COMMD10: variants seen among roughly 807,000 people sequenced by gnomAD.
COMMD10 encodes the protein COMM domain-containing protein 10.
COMMD10 carries 33 observed loss-of-function variants against 28.9 expected under a neutral mutation model. That is an observed-to-expected ratio of 1.14 (90% CI 0.87 to 1.53). The LOEUF (loss-of-function observed/expected upper bound fraction) is 1.53, where lower values mean the gene tolerates loss of function less well. COMMD10 is among the 40% of genes most tolerant of loss of function. The probability of loss-of-function intolerance (pLI) is 0.00; values close to 1 mark genes in which losing one functional copy is unlikely to be tolerated. For synonymous variants in COMMD10, 110 were observed against 81.7 expected (o/e 1.35, Z -1.87); for missense variants, 310 against 233.4 (o/e 1.33, Z -2.14).
intron 5 of COMMD10, among the ~76,000 whole-genome samples, chr5:116,282,371 G>C (rs1344100657): frequency 6.6e-6 from 1 of 151,848 alleles, no homozygotes; most frequent in African/African-American, 2.4e-5. Context: ...CTCCAAACTG[G>C]TTTCTCCATA....
rs1752707816 is a variant in COMMD10, at chr5:116,156,281, G to C, written c.510+22103G>C. Among the ~76,000 whole-genome samples the C allele has an allele frequency of 2.6e-5, 4 of 152,266 alleles. No individual in the cohort carries two copies. In the South Asian group the frequency reaches 6.2e-4, roughly 24 times the overall value. ...TGTTATCACACTGTCTTGACACTTAGGAAGTTGCTAGAGGATGTCAAGCAG... is the reference window on the plus strand; with the variant it reads ...TGTTATCACACTGTCTTGACACTTACGAAGTTGCTAGAGGATGTCAAGCAG... On this transcript the variant is annotated intron_variant, in intron 5 of 6. Coordinates refer to ENST00000274458, the MANE Select transcript of COMMD10 (RefSeq NM_016144.4).
chr5:116,106,370 C>T (rs1031182381), intron 4 of COMMD10, among the ~76,000 whole-genome samples: 2 of 152,050 alleles, frequency 1.3e-5, no homozygotes, highest in Non-Finnish European at 1.5e-5. Flanking sequence ...GATTTCTGTT[C>T]TTTTGCATTT....
intron 1 of COMMD10, among the ~76,000 whole-genome samples, chr5:116,086,721 A>G (rs1485960906): frequency 6.6e-6 from 1 of 152,140 alleles, no homozygotes; most frequent in African/African-American, 2.4e-5. Flanking sequence ...TGGCCTTGCA[A>G]AGTGCTGGGA....
chr5:116,232,043 G>A (rs72806907), intron 5 of COMMD10, among the ~76,000 whole-genome samples: 7,961 of 152,132 alleles, frequency 0.052, 287 homozygotes, highest in East Asian at 0.14. Flanking sequence ...ACTTTACACT[G>A]AACTGAATTT....
rs149802166 is a variant in COMMD10, at chr5:116,222,350, T to C, written c.511-69167T>C. On this transcript the variant is annotated intron_variant, in intron 5 of 6. Coordinates refer to ENST00000274458, the MANE Select transcript of COMMD10 (RefSeq NM_016144.4). ...GGAAATCTCATCCTGAAATCTCTTTTGGTAAAAACATGGAATCTTTTTAGT... is the reference window on the plus strand; with the variant it reads ...GGAAATCTCATCCTGAAATCTCTTTCGGTAAAAACATGGAATCTTTTTAGT... Among the ~76,000 whole-genome samples the C allele has an allele frequency of 2.0e-3, 306 of 152,334 alleles. 2 individuals carry two copies. The highest frequency in any genetic ancestry group is 7.0e-3 in the African/African-American group (291 of 41,570).
chr5:116,155,045 C>CT (rs1450104249), intron 5 of COMMD10, among the ~76,000 whole-genome samples: 1 of 152,050 alleles, frequency 6.6e-6, no homozygotes, highest in Non-Finnish European at 1.5e-5. Flanking sequence ...ATTTATGTAT[C>CT]TTTTAACATT....
intron 5 of COMMD10, among the ~76,000 whole-genome samples, chr5:116,199,636 G>C (rs1339051036): frequency 6.6e-6 from 1 of 152,100 alleles, no homozygotes; most frequent in Non-Finnish European, 1.5e-5. Flanking sequence ...TCTTTATGTA[G>C]ATCTGAGTTT....
intron 5 of COMMD10, among the ~76,000 whole-genome samples, chr5:116,221,612 G>A (rs890385546): frequency 4.6e-5 from 7 of 152,242 alleles, no homozygotes; most frequent in African/African-American, 1.4e-4. Context: ...TTAGGTTTAG[G>A]TCTTAGTAGT....
chr5:116,205,609 C>G (rs1748790781), intron 5 of COMMD10, among the ~76,000 whole-genome samples: 1 of 152,010 alleles, frequency 6.6e-6, no homozygotes, highest in South Asian at 2.1e-4. Flanking sequence ...TGTATGTACA[C>G]ATATAGACAC....
intron 4 of COMMD10, among the ~76,000 whole-genome samples, chr5:116,097,442 T>A (rs140667564): frequency 1.3e-5 from 2 of 152,294 alleles, no homozygotes; most frequent in African/African-American, 4.8e-5. Flanking sequence ...AAGTTGCCCA[T>A]GATTGTACAG....
chr5:116,256,261 C>G (rs1321615407), intron 5 of COMMD10, among the ~76,000 whole-genome samples: 12 of 151,622 alleles, frequency 7.9e-5, no homozygotes, highest in Non-Finnish European at 1.5e-4. Context: ...ATCTTGAAGA[C>G]TAGTGGAAAC....
chr5:116,127,397 A>G (rs1304216715), intron 4 of COMMD10, among the ~76,000 whole-genome samples: 1 of 152,200 alleles, frequency 6.6e-6, no homozygotes, highest in Admixed American at 6.5e-5. Flanking sequence ...AACTAGAAAT[A>G]CCATGTGACC....
At chr5:116,142,231 A>G (rs1561626999) in intron 5 of COMMD10, among the ~76,000 whole-genome samples, 1 of 151,786 alleles carries the variant, frequency 6.6e-6, no homozygotes, top group African/African-American at 2.4e-5. Flanking sequence ...TTTCAAACTC[A>G]TCATTAATAT....
chr5:116,144,509 C>G (rs1346945150), intron 5 of COMMD10, among the ~76,000 whole-genome samples: 1 of 151,762 alleles, frequency 6.6e-6, no homozygotes, highest in Non-Finnish European at 1.5e-5. Context: ...CTGTCTGACT[C>G]CATAGTCTGA....
At chr5:116,161,742 TAGG>T (rs1463054349) in intron 5 of COMMD10, among the ~76,000 whole-genome samples, 2 of 152,080 alleles carry the variant, frequency 1.3e-5, no homozygotes, top group Non-Finnish European at 2.9e-5. Context: ...TCATGTTGAA[TAGG>T]AGGAAGAAGA....
At chr5:116,128,655 A>G (rs1032762597) in intron 4 of COMMD10, among the ~76,000 whole-genome samples, 2 of 151,938 alleles carry the variant, frequency 1.3e-5, no homozygotes, top group African/African-American at 2.4e-5. Context: ...TCATCTTTGT[A>G]TAGTAACTGT....
chr5:116,236,273 G>A (rs1255544602), intron 5 of COMMD10, among the ~76,000 whole-genome samples: 2 of 152,092 alleles, frequency 1.3e-5, no homozygotes, highest in Non-Finnish European at 2.9e-5. Flanking sequence ...GGAAGCTGAG[G>A]TGGGTGGATC....
chr5:116,209,463 T>C (rs1245348639), intron 5 of COMMD10, among the ~76,000 whole-genome samples: 1 of 152,190 alleles, frequency 6.6e-6, no homozygotes, highest in African/African-American at 2.4e-5. Flanking sequence ...TGTATGACTT[T>C]TAGTTCTAAA....
intron 5 of COMMD10, among the ~76,000 whole-genome samples, chr5:116,244,528 G>C (rs1211778448): frequency 6.6e-6 from 1 of 151,708 alleles, no homozygotes; most frequent in East Asian, 1.9e-4. Flanking sequence ...CAAGAGCTAT[G>C]GGGGTACAGT....
Sources: gnomAD v4.1 joint callset for allele counts (sites outside exome capture counted in the v4.1 genomes callset) on GRCh38, gnomAD v4.1.1 for gene constraint, MANE v1.5 for transcripts, NCBI Gene and HGNC (gene_info 2026-07-23, HGNC 2026-07-21) for gene names.